The following DLGAP2 variants were observed in gnomAD, a reference collection of about 807,000 sequenced individuals.
DLGAP2 encodes disks large-associated protein 2.
In DLGAP2, 26 loss-of-function variants were observed where a neutral mutation model predicts 100.3. The observed-to-expected ratio is 0.26, with a 90% confidence interval of 0.19 to 0.36. DLGAP2 has a LOEUF of 0.36. Ranked by LOEUF, DLGAP2 falls within the 10% of genes least tolerant of loss-of-function variation. DLGAP2 has a pLI of 1.00. For missense variants in DLGAP2, 1,858 were observed against 1,453.2 expected, an observed-to-expected ratio of 1.28 and a Z score of -4.53; for synonymous variants, 886 against 630.1, an observed-to-expected ratio of 1.41 and a Z score of -6.08.
intron 3 of DLGAP2, among the ~76,000 whole-genome samples, chr8:1,344,892 C>A (rs1455469432): frequency 1.3e-5 from 2 of 152,250 alleles, no homozygotes; most frequent in African/African-American, 4.8e-5. Context: ...CCCTCCTGGA[C>A]CGAAATATTC....
intron 3 of DLGAP2, among the ~76,000 whole-genome samples, chr8:1,280,122 G>C (rs1799787030): frequency 6.6e-6 from 1 of 152,222 alleles, no homozygotes; most frequent in Admixed American, 6.5e-5. Context: ...CTGATCCCCA[G>C]ATGTGGCTTC....
chr8:1,689,596 C>T (rs1183475080), intron 12 of DLGAP2, among the ~76,000 whole-genome samples: 4 of 152,034 alleles, frequency 2.6e-5, no homozygotes, highest in Middle Eastern at 3.2e-3. Context: ...TAGGGTGTGT[C>T]GTGTAGGTTA....
chr8:1,123,047 G>T (rs1473605929), intron 2 of DLGAP2, among the ~76,000 whole-genome samples: 2 of 152,064 alleles, frequency 1.3e-5, no homozygotes, highest in Non-Finnish European at 2.9e-5. Context: ...CTGGGTTGGG[G>T]GCACTAAATA....
intron 2 of DLGAP2, among the ~76,000 whole-genome samples, chr8:973,827 G>A (rs1372047086): frequency 4.0e-5 from 6 of 149,900 alleles, no homozygotes; most frequent in Middle Eastern, 3.4e-3. Flanking sequence ...GCCCCGCGGC[G>A]GTCCGGGAGG....
At chr8:1,482,279 GCTT>G (rs1336847796) in intron 3 of DLGAP2, among the ~76,000 whole-genome samples, 2 of 152,198 alleles carry the variant, frequency 1.3e-5, no homozygotes, top group Non-Finnish European at 2.9e-5. Flanking sequence ...CGTTTGATCT[GCTT>G]CTTGATAGCT....
chr8:1,691,322 C>A (rs376178724), intron 12 of DLGAP2, among the ~76,000 whole-genome samples: 1 of 152,160 alleles, frequency 6.6e-6, no homozygotes, highest in Non-Finnish European at 1.5e-5. Context: ...GGAGAATGTC[C>A]TCACAGTGAC....
intron 1 of DLGAP2, among the ~76,000 whole-genome samples, chr8:819,023 G>T (rs976504740): frequency 6.6e-6 from 1 of 152,152 alleles, no homozygotes; most frequent in African/African-American, 2.4e-5. Context: ...TTTAGGAAAT[G>T]ATCATTTTAT....
intron 2 of DLGAP2, among the ~76,000 whole-genome samples, chr8:1,079,791 A>G (rs1039645852): frequency 2.6e-5 from 4 of 152,356 alleles, no homozygotes; most frequent in South Asian, 4.1e-4. Context: ...GCCCAGAGCA[A>G]TGGGGCAGAG....
intron 3 of DLGAP2, among the ~76,000 whole-genome samples, chr8:1,423,348 G>T (rs373881908): frequency 3.9e-5 from 6 of 152,150 alleles, no homozygotes; most frequent in Admixed American, 3.9e-4. Flanking sequence ...GGTGGAGGCA[G>T]ATCCCAGGAC....
At chr8:950,742 C>T (rs1799458769) in intron 2 of DLGAP2, among the ~76,000 whole-genome samples, 1 of 151,708 alleles carries the variant, frequency 6.6e-6, no homozygotes, top group African/African-American at 2.4e-5. Context: ...CTGCCTCAGC[C>T]TCCCGAGTAG....
intron 3 of DLGAP2, among the ~76,000 whole-genome samples, chr8:1,425,902 A>G (rs1797225207): frequency 6.6e-6 from 1 of 152,172 alleles, no homozygotes; most frequent in Admixed American, 6.5e-5. Flanking sequence ...AGCAGGGAAG[A>G]AAGGAGACTG....
intron 1 of DLGAP2, among the ~76,000 whole-genome samples, chr8:833,099 C>A (rs1393701): frequency 0.17 from 26,454 of 152,178 alleles, 2,961 homozygotes; most frequent in East Asian, 0.55. Flanking sequence ...ACAGGGCTTA[C>A]CTGTCTTCAT....
chr8:1,458,008 A>ATATATATG (rs1798367756), intron 3 of DLGAP2, among the ~76,000 whole-genome samples: 1 of 106,732 alleles, frequency 9.4e-6, no homozygotes, highest in Non-Finnish European at 2.0e-5. Context: ...ATATATATAT[A>ATATATATG]TATATAATTT....
chr8:848,841 G>T (rs942063174), intron 1 of DLGAP2, among the ~76,000 whole-genome samples: 15 of 151,756 alleles, frequency 9.9e-5, no homozygotes, highest in African/African-American at 3.1e-4. Flanking sequence ...CTAGGATCTT[G>T]TGATGTGTGT....
rs988026732 is a variant in DLGAP2, at chr8:1,482,393, C to T, written c.107-18973C>T. Among the ~76,000 whole-genome samples, 3 of 152,232 alleles carry T rather than the reference C, an allele frequency of 2.0e-5. No individual in the cohort carries two copies. In the East Asian group the frequency reaches 5.8e-4, roughly 29 times the overall value. On this transcript the variant is annotated intron_variant, in intron 3 of 14. Transcript: ENST00000637795. ...TGTGGTCAGTTCATGTGTCTTTACA[C>T]TAGAAACATAGCCTAGCATTTGCTG...
At chr8:1,158,881 A>G (rs1018321530) in intron 2 of DLGAP2, among the ~76,000 whole-genome samples, 1 of 152,248 alleles carries the variant, frequency 6.6e-6, no homozygotes, top group African/African-American at 2.4e-5. Flanking sequence ...TCCAAAGGAC[A>G]TGCTTAGAGG....
At chr8:1,677,329 C>A (rs1040980490) in intron 11 of DLGAP2, among the ~76,000 whole-genome samples, 2 of 152,160 alleles carry the variant, frequency 1.3e-5, no homozygotes, top group East Asian at 3.9e-4. Flanking sequence ...ACCTGGCCAT[C>A]TTCTGCACCT....
rs376963657 is a variant in DLGAP2, at chr8:1,682,001, C to G, written c.2704+3372C>G. 3.3e-5 allele frequency among the ~76,000 whole-genome samples: 5 copies of G among 152,304 alleles called. No homozygotes were observed. The East Asian group carries it at 9.7e-4, about 29-fold the overall frequency. On this transcript the variant is annotated intron_variant, in intron 12 of 14. Transcript: ENST00000637795. ...GGCCCTCTGACATTGAAGGCTCTGCCTTTCCACCCACGGTCCAAAGGCATC... is the reference window on the plus strand; with the variant it reads ...GGCCCTCTGACATTGAAGGCTCTGCGTTTCCACCCACGGTCCAAAGGCATC...
At chr8:1,512,747 C>T (rs1040971614) in intron 4 of DLGAP2, among the ~76,000 whole-genome samples, 1 of 152,258 alleles carries the variant, frequency 6.6e-6, no homozygotes, top group African/African-American at 2.4e-5. Context: ...TCTCAGACTT[C>T]GCAGCTTTGA....
Sources: allele counts gnomAD v4.1 joint callset (sites outside exome capture counted in the v4.1 genomes callset), GRCh38; gene constraint gnomAD v4.1.1; transcripts MANE v1.5; gene names NCBI Gene and HGNC (gene_info 2026-07-23, HGNC 2026-07-21).